The following AGAP1 variants were observed in gnomAD, a reference collection of about 807,000 sequenced individuals.
AGAP1 encodes the protein ArfGAP with GTPase domain, ankyrin repeat and PH domain 1.
AGAP1 carries 29 observed loss-of-function variants against 105.3 expected under a neutral mutation model. That is an observed-to-expected ratio of 0.28 (90% CI 0.21 to 0.38). The LOEUF (loss-of-function observed/expected upper bound fraction) is 0.38, where lower values mean the gene tolerates loss of function less well. Among genes scored for constraint, AGAP1 ranks in the 10% least tolerant of loss-of-function variants. The pLI, the probability that AGAP1 is intolerant of heterozygous loss-of-function variation, is 1.00. For synonymous variants in AGAP1, 509 were observed against 485.9 expected, an observed-to-expected ratio of 1.05 and a Z score of -0.63; for missense variants, 998 against 1,165.1, an observed-to-expected ratio of 0.86 and a Z score of 2.09.
chr2:235,872,137 C>T lies in AGAP1; in HGVS notation c.1051-11208C>T, dbSNP rs1422414539. On this transcript the variant is annotated intron_variant, in intron 9 of 17. Coordinates refer to ENST00000304032, the MANE Select transcript of AGAP1 (RefSeq NM_001037131.3). This position sits in a 1 kb window ranked among gnomAD's most constrained non-coding sequence, Gnocchi z 4.5. ...CCAGTTAAAGGTGTCATATCAATTC[C>T]TGTCCATGAAATGAGGATAATCAAT... 1.3e-5 allele frequency among the ~76,000 whole-genome samples: 2 copies of T among 152,126 alleles called. No homozygotes were observed. The highest frequency in any genetic ancestry group is 4.8e-5 in the African/African-American group (2 of 41,404).
At chr2:235,991,897 G>A (rs191050358) in intron 13 of AGAP1, among the ~76,000 whole-genome samples, 4 of 152,198 alleles carry the variant, frequency 2.6e-5, no homozygotes, top group African/African-American at 2.4e-5. Flanking sequence ...ATTGTGAGTC[G>A]GGGAAAAAAG....
At chr2:235,703,699 G>A (rs1950377710) in intron 1 of AGAP1, among the ~76,000 whole-genome samples, 1 of 151,844 alleles carries the variant, frequency 6.6e-6, no homozygotes, top group African/African-American at 2.4e-5. Flanking sequence ...CCTGGGTCAA[G>A]CAATTCTCCT....
intron 13 of AGAP1, among the ~76,000 whole-genome samples, chr2:235,991,222 A>G (rs1207122651): frequency 6.6e-6 from 1 of 152,256 alleles, no homozygotes; most frequent in East Asian, 1.9e-4. Context: ...CTCAAGAATT[A>G]TTATGCATTT....
At chr2:236,054,724 G>A (rs1169207956) in intron 16 of AGAP1, among the ~76,000 whole-genome samples, 1 of 152,198 alleles carries the variant, frequency 6.6e-6, no homozygotes, top group East Asian at 1.9e-4. Context: ...TAAGTGGTGT[G>A]CAGACTCTGA....
rs923890359 is a variant in AGAP1 at position 235,961,146 on chromosome 2, C to T, written c.1484-7316C>T. 1.1e-4 allele frequency among the ~76,000 whole-genome samples: 16 copies of T among 152,182 alleles called. No homozygotes were observed. Among genetic ancestry groups the T allele is most frequent in the African/African-American group, 3.4e-4 (14 of 41,454 alleles). On this transcript the variant is annotated intron_variant, in intron 12 of 17. Coordinates refer to ENST00000304032, the MANE Select transcript of AGAP1 (RefSeq NM_001037131.3). The surrounding 1 kb of genome is among the most constrained non-coding windows in gnomAD (Gnocchi z 5.9). ...TCGAGCGCTCATAGGGAAGATGTTC[C>T]GTAAACAAAGAAACACGCATGGAGC...
intron 1 of AGAP1, among the ~76,000 whole-genome samples, chr2:235,561,161 T>C (rs1279153259): frequency 6.6e-6 from 1 of 152,174 alleles, no homozygotes; most frequent in Non-Finnish European, 1.5e-5. Flanking sequence ...GTGCTCTCTA[T>C]GTGAACACAG....
chr2:235,641,934 A>T (rs556188241), intron 1 of AGAP1, among the ~76,000 whole-genome samples: 56 of 152,320 alleles, frequency 3.7e-4, no homozygotes, highest in Non-Finnish European at 7.6e-4. Flanking sequence ...GTGGCACAAG[A>T]TTCTCTGAAA....
chr2:236,059,124 C>A (rs1311868992), intron 16 of AGAP1, among the ~76,000 whole-genome samples: 1 of 150,842 alleles, frequency 6.6e-6, no homozygotes, highest in Non-Finnish European at 1.5e-5. Context: ...GCTAGGAGTT[C>A]AAGACCAGCC....
rs1437540020 is a variant in AGAP1 at position 235,882,322 on chromosome 2, G to A, written c.1051-1023G>A. On this transcript the variant is annotated intron_variant, in intron 9 of 17. Coordinates refer to ENST00000304032, the MANE Select transcript of AGAP1 (RefSeq NM_001037131.3). This position sits in a 1 kb window ranked among gnomAD's most constrained non-coding sequence, Gnocchi z 4.6. ...TCGCTCTTCCTCCACATCACAACTG[G>A]GGTCTTAAGGATGACGAGGGCAGGA... 8 of 882,530 alleles carry A rather than the reference G, an allele frequency of 9.1e-6. No individual in the cohort carries two copies. Among genetic ancestry groups the A allele is most frequent in the African/African-American group, 8.6e-5 (5 of 58,428 alleles). 54.7% of individuals were successfully genotyped at this position (882,530 alleles called of 1,614,324 possible).
At chr2:235,707,018 A>T (rs758903517) in intron 1 of AGAP1, among the ~76,000 whole-genome samples, 2 of 152,244 alleles carry the variant, frequency 1.3e-5, no homozygotes, top group African/African-American at 4.8e-5. Context: ...CGTTCCTCGC[A>T]TCATCTGTCC....
At chr2:236,019,863 G>A (rs992296399) in intron 13 of AGAP1, among the ~76,000 whole-genome samples, 1 of 152,196 alleles carries the variant, frequency 6.6e-6, no homozygotes, top group Admixed American at 6.5e-5. Context: ...TCTGATCAAG[G>A]CCCCCGCCAA....
At chr2:236,059,488 A>T (rs1408085660) in intron 16 of AGAP1, among the ~76,000 whole-genome samples, 1 of 152,190 alleles carries the variant, frequency 6.6e-6, no homozygotes, top group Non-Finnish European at 1.5e-5. Context: ...ATGGCACAGT[A>T]AGAGACCGTC....
chr2:235,514,106 A>G (rs1172369306), intron 1 of AGAP1, among the ~76,000 whole-genome samples: 1 of 152,238 alleles, frequency 6.6e-6, no homozygotes, highest in East Asian at 1.9e-4. Flanking sequence ...GACTGAGCAC[A>G]GGCGATTTCC....
intron 6 of AGAP1, chr2:235,773,910 G>T (rs1335787650): frequency 2.2e-6 from 1 of 454,458 alleles, no homozygotes; most frequent in African/African-American, 2.1e-5. Context: ...TCTTGCTTGA[G>T]ATATTTTACG....
intron 1 of AGAP1, among the ~76,000 whole-genome samples, chr2:235,536,155 A>ACG (rs1198797476): frequency 7.0e-6 from 1 of 142,092 alleles, no homozygotes; most frequent in Non-Finnish European, 1.5e-5. Context: ...ACACACACAC[A>ACG]CACACACACA....
rs2106404897 is a variant in AGAP1 at position 235,843,173 on chromosome 2, G to A, written c.1050+35842G>A. On this transcript the variant is annotated intron_variant, in intron 9 of 17. Transcript: ENST00000304032. This position sits in a 1 kb window ranked among gnomAD's most constrained non-coding sequence, Gnocchi z 5.9. ...GTGAAGTCGCTGTTCATCCCTGCAG[G>A]CTCCCTGTACCCCCAGCTCCCAGAA... Among the ~76,000 whole-genome samples, 1 of 152,060 alleles carries A rather than the reference G, an allele frequency of 6.6e-6. No individual in the cohort carries two copies. The highest frequency in any genetic ancestry group is 6.5e-5 in the Admixed American group (1 of 15,272).
intron 1 of AGAP1, among the ~76,000 whole-genome samples, chr2:235,613,374 T>A (rs1181700340): frequency 6.6e-6 from 1 of 152,202 alleles, no homozygotes; most frequent in Non-Finnish European, 1.5e-5. Flanking sequence ...GGCAGCTTAT[T>A]TGATAAGCAA....
At chr2:236,112,694 C>T (rs541844787) in intron 16 of AGAP1, among the ~76,000 whole-genome samples, 8 of 152,172 alleles carry the variant, frequency 5.3e-5, no homozygotes, top group Non-Finnish European at 1.0e-4. Context: ...AGGCAGGAGG[C>T]GGCACTCGCA....
chr2:235,972,908 G>A (rs2054712167), intron 13 of AGAP1, among the ~76,000 whole-genome samples: 1 of 152,144 alleles, frequency 6.6e-6, no homozygotes, highest in African/African-American at 2.4e-5. Context: ...CCTGGCCCAG[G>A]GAGCCCTCGC....
Sources: allele counts gnomAD v4.1 joint callset (sites outside exome capture counted in the v4.1 genomes callset), GRCh38; gene constraint gnomAD v4.1.1; non-coding constraint Gnocchi (gnomAD v3.1); transcripts MANE v1.5; gene names NCBI Gene and HGNC (gene_info 2026-07-23, HGNC 2026-07-21).